The following CELF2 variants were observed in gnomAD, a reference collection of about 807,000 sequenced individuals.
CELF2 encodes the protein CUGBP Elav-like family member 2, also known as CUG triplet repeat RNA-binding protein 2.
In CELF2, 8 loss-of-function variants were observed where a neutral mutation model predicts 62.6. That is an observed-to-expected ratio of 0.13 (90% CI 0.07 to 0.23). The LOEUF is 0.23. Among genes scored for constraint, CELF2 ranks in the 10% least tolerant of loss-of-function variants. The pLI, the probability that CELF2 is intolerant of heterozygous loss-of-function variation, is 1.00. For missense variants in CELF2, 333 were observed against 671.0 expected (o/e 0.50, Z 5.56); for synonymous variants, 258 against 250.0 (o/e 1.03, Z -0.30).
intron 1 of CELF2, among the ~76,000 whole-genome samples, chr10:10,816,944 T>C (rs1262944137): frequency 1.3e-5 from 2 of 152,156 alleles, no homozygotes; most frequent in African/African-American, 2.4e-5. Flanking sequence ...AGAAAGAAAA[T>C]TACTGAAAGT....
At chr10:11,212,744 T>TG (rs1483283154) in intron 2 of CELF2, among the ~76,000 whole-genome samples, 1 of 149,416 alleles carries the variant, frequency 6.7e-6, no homozygotes, top group African/African-American at 2.5e-5. Context: ...TGGGTTTTTT[T>TG]TTTTTTTTTT....
the CELF2 span, among the ~76,000 whole-genome samples, chr10:10,791,287 G>C: frequency 6.6e-6 from 1 of 151,352 alleles, no homozygotes; most frequent in Admixed American, 6.6e-5. Context: ...TAAACTAGCA[G>C]GTGAGCTTTG....
the CELF2 span, among the ~76,000 whole-genome samples, chr10:10,487,929 G>C: frequency 7.8e-4 from 119 of 152,072 alleles, no homozygotes; most frequent in African/African-American, 2.7e-3. Flanking sequence ...GGGTTCTTTT[G>C]TTTAATAATG....
At chr10:11,148,902 G>A (rs1230379823) in intron 1 of CELF2, among the ~76,000 whole-genome samples, 1 of 149,736 alleles carries the variant, frequency 6.7e-6, no homozygotes, top group Non-Finnish European at 1.5e-5. Flanking sequence ...TGTCAGTAAA[G>A]GCCAGTTAGT....
the CELF2 span, among the ~76,000 whole-genome samples, chr10:10,771,413 C>A: frequency 6.6e-6 from 1 of 152,142 alleles, no homozygotes; most frequent in Non-Finnish European, 1.5e-5. Context: ...GCAAGCATGG[C>A]ATAAGTGCCT....
At chr10:10,761,011 C>T in the CELF2 span, among the ~76,000 whole-genome samples, 2 of 152,162 alleles carry the variant, frequency 1.3e-5, no homozygotes, top group African/African-American at 4.8e-5. Flanking sequence ...AAAGATCACT[C>T]AGTGTTTTAT....
At chr10:11,325,764 T>C in intron 11 of CELF2, 72 bp from the exon 12 acceptor site, 1 of 1,368,146 alleles carries the variant, frequency 7.3e-7, no homozygotes. Context: ...GTTGTTAAAG[T>C]ATTCCTAAGA....
chr10:10,611,370 T>C, the CELF2 span, among the ~76,000 whole-genome samples: 1 of 152,280 alleles, frequency 6.6e-6, no homozygotes, highest in African/African-American at 2.4e-5. Flanking sequence ...TCTTCATCCT[T>C]ATATTTGACT....
chr10:10,930,331 G>T (rs1592065271), intron 2 of CELF2, among the ~76,000 whole-genome samples: 1 of 152,170 alleles, frequency 6.6e-6, no homozygotes, highest in African/African-American at 2.4e-5. Context: ...GGATAGCAAA[G>T]ACATACTTTA....
At chr10:10,921,836 G>A (rs1289312136) in intron 2 of CELF2, among the ~76,000 whole-genome samples, 4 of 152,204 alleles carry the variant, frequency 2.6e-5, no homozygotes, top group Admixed American at 6.5e-5. Context: ...GATTACAGGC[G>A]TGAGCCCCCG....
chr10:10,637,554 A>T, the CELF2 span, among the ~76,000 whole-genome samples: 66 of 152,304 alleles, frequency 4.3e-4, no homozygotes, highest in Admixed American at 1.4e-3. Context: ...TTCAAAAATT[A>T]GAGAATACAA....
At chr10:10,524,825 T>C in the CELF2 span, among the ~76,000 whole-genome samples, 1 of 152,120 alleles carries the variant, frequency 6.6e-6, no homozygotes, top group East Asian at 1.9e-4. Context: ...CACGTGTATT[T>C]CTGGAGGAGA....
At chr10:11,293,682 G>A (rs193125944) in intron 9 of CELF2, among the ~76,000 whole-genome samples, 4 of 152,292 alleles carry the variant, frequency 2.6e-5, no homozygotes, top group Admixed American at 2.6e-4. Flanking sequence ...CACTCACTTT[G>A]TGTCTTGCCC....
At chr10:10,904,215 C>T (rs1591725840) in intron 1 of CELF2, among the ~76,000 whole-genome samples, 1 of 131,584 alleles carries the variant, frequency 7.6e-6, no homozygotes, top group East Asian at 2.3e-4. Context: ...CCTTGTAATT[C>T]TATCCATTTT....
chr10:10,517,811 G>A, the CELF2 span, among the ~76,000 whole-genome samples: 1 of 152,338 alleles, frequency 6.6e-6, no homozygotes, highest in Admixed American at 6.5e-5. Flanking sequence ...TGGCAATTAT[G>A]TGGGAGAGGT....
At chr10:10,910,710 AAAAAAAAAAG>A (rs1227784903) in intron 1 of CELF2, among the ~76,000 whole-genome samples, 1 of 151,420 alleles carries the variant, frequency 6.6e-6, no homozygotes, top group Non-Finnish European at 1.5e-5. Context: ...AAAAAAAAAA[AAAAAAAAAAG>A]AAAAGAAAAG....
intron 1 of CELF2, among the ~76,000 whole-genome samples, chr10:11,121,902 G>A (rs1223819674): frequency 6.6e-6 from 1 of 152,114 alleles, no homozygotes; most frequent in Non-Finnish European, 1.5e-5. Flanking sequence ...ATTTAACTGA[G>A]GAAATGTACT....
intron 1 of CELF2, among the ~76,000 whole-genome samples, chr10:10,845,433 G>A (rs1469252809): frequency 3.4e-5 from 5 of 145,908 alleles, no homozygotes; most frequent in Non-Finnish European, 6.0e-5. Context: ...AACAGAAAAT[G>A]TAATAAAACA....
chr10:10,703,538 C>T, the CELF2 span, among the ~76,000 whole-genome samples: 1 of 152,202 alleles, frequency 6.6e-6, no homozygotes, highest in South Asian at 2.1e-4. Flanking sequence ...GCCCTTTCTA[C>T]TATCAATGGT....
Sources: gnomAD v4.1 joint callset for allele counts (sites outside exome capture counted in the v4.1 genomes callset) on GRCh38, gnomAD v4.1.1 for gene constraint, MANE v1.5 for transcripts, NCBI Gene and HGNC (gene_info 2026-07-23, HGNC 2026-07-21) for gene names.